Variants in KCNMA1 observed in about 807,000 individuals in gnomAD.
KCNMA1 encodes the protein potassium calcium-activated channel subfamily M alpha 1, also known as Calcium-activated potassium channel subunit alpha-1.
In KCNMA1, 29 loss-of-function variants were observed where a neutral mutation model predicts 140.0. The observed-to-expected ratio is 0.21, with a 90% confidence interval of 0.15 to 0.28. The LOEUF is 0.28. KCNMA1 is among the 10% of genes least tolerant of loss of function. The probability of loss-of-function intolerance (pLI) is 1.00; values close to 1 mark genes in which losing one functional copy is unlikely to be tolerated. For synonymous variants in KCNMA1, 612 were observed against 611.9 expected (o/e 1.00, Z 0.00); for missense variants, 880 against 1,602.2 (o/e 0.55, Z 7.70).
intron 5 of KCNMA1, among the ~76,000 whole-genome samples, chr10:77,173,796 T>A (rs1487258956): frequency 2.0e-5 from 3 of 152,164 alleles, no homozygotes; most frequent in Admixed American, 2.0e-4. Flanking sequence ...ATGGAGTGGG[T>A]GACCTCTGGG....
intron 2 of KCNMA1, among the ~76,000 whole-genome samples, chr10:77,348,690 G>A (rs2092508376): frequency 6.6e-6 from 1 of 152,182 alleles, no homozygotes; most frequent in Non-Finnish European, 1.5e-5. Context: ...TCTTTTAGCT[G>A]ATAAGTATGA....
At chr10:77,258,666 A>G (rs1290871671) in intron 2 of KCNMA1, among the ~76,000 whole-genome samples, 3 of 152,202 alleles carry the variant, frequency 2.0e-5, no homozygotes, top group African/African-American at 7.2e-5. Flanking sequence ...ATGGTTCTCA[A>G]TAGAAGAAGA....
At chr10:77,423,275 C>T (rs1007146088) in intron 1 of KCNMA1, among the ~76,000 whole-genome samples, 30 of 152,218 alleles carry the variant, frequency 2.0e-4, no homozygotes, top group African/African-American at 6.5e-4. Flanking sequence ...TTGGGCTCCA[C>T]ATGTCCTGTT....
At chr10:77,057,541 T>C (rs531203384) in intron 14 of KCNMA1, among the ~76,000 whole-genome samples, 2 of 152,094 alleles carry the variant, frequency 1.3e-5, no homozygotes, top group Admixed American at 1.3e-4. Context: ...AAAGCAAAAA[T>C]TATAACATTG....
intron 2 of KCNMA1, among the ~76,000 whole-genome samples, chr10:77,260,153 T>A (rs934320327): frequency 6.6e-6 from 1 of 151,732 alleles, no homozygotes; most frequent in Non-Finnish European, 1.5e-5. Context: ...ACCGCGGTGG[T>A]AGAGGTCGAG....
intron 1 of KCNMA1, among the ~76,000 whole-genome samples, chr10:77,471,239 T>C (rs2098142396): frequency 8.0e-6 from 1 of 125,544 alleles, no homozygotes; most frequent in Non-Finnish European, 1.7e-5. Context: ...ATAACACAAC[T>C]CACACTACAC....
chr10:76,922,623 G>A (rs1390733653), intron 23 of KCNMA1, among the ~76,000 whole-genome samples: 1 of 152,100 alleles, frequency 6.6e-6, no homozygotes, highest in Admixed American at 6.5e-5. Flanking sequence ...TGCAGGTGTG[G>A]GGCTACTGGC....
intron 23 of KCNMA1, among the ~76,000 whole-genome samples, chr10:76,935,972 A>G (rs2060451578): frequency 6.6e-6 from 1 of 152,220 alleles, no homozygotes; most frequent in Non-Finnish European, 1.5e-5. Context: ...GTCTCTTATT[A>G]TAGCTGCTGC....
chr10:77,174,009 C>G (rs1411987899), intron 5 of KCNMA1, among the ~76,000 whole-genome samples: 1 of 152,186 alleles, frequency 6.6e-6, no homozygotes, highest in South Asian at 2.1e-4. Context: ...CCCTTCCCCT[C>G]TCCCCTTGCT....
Position 76,970,391 on chromosome 10 carries a change from A to G in KCNMA1, c.2267-324T>C, listed in dbSNP as rs192249349. ...TATACCAAAAAAAATACTTATCATTATTCTTAGAGTTAATTTTGGTTACTT... is the reference window on the plus strand; with the variant it reads ...TATACCAAAAAAAATACTTATCATTGTTCTTAGAGTTAATTTTGGTTACTT... On this transcript the variant is annotated intron_variant, in intron 19 of 27. Transcript: ENST00000286628. The G allele has an allele frequency of 1.3e-3, 369 of 293,564 alleles. 3 individuals carry two copies. The highest frequency in any genetic ancestry group is 7.6e-3 in the African/African-American group (352 of 46,470). The allele number at this position is 293,564 out of a possible 1,614,324, so 18.2% of individuals were successfully genotyped here.
Position 76,891,502 on chromosome 10 carries a change from T to C in KCNMA1, c.3342+23A>G, listed in dbSNP as rs200856611. 3.2e-5 allele frequency: 51 copies of C among 1,600,398 alleles called. No homozygotes were observed. The East Asian group carries it at 1.0e-3, about 33-fold the overall frequency. ...GCTTTTCCCAAACAGCAAGCTCAGG[T>C]GACCTCGGTGCTGTGGACTCACCCC... On this transcript the variant is annotated intron_variant, in intron 26 of 27. Transcript: ENST00000286628.
intron 1 of KCNMA1, among the ~76,000 whole-genome samples, chr10:77,414,806 A>G (rs1672334518): frequency 6.6e-6 from 1 of 152,186 alleles, no homozygotes; most frequent in South Asian, 2.1e-4. Flanking sequence ...TAGGAATGTC[A>G]TGAGGCTCAG....
intron 19 of KCNMA1, among the ~76,000 whole-genome samples, chr10:76,971,430 A>T (rs2076059707): frequency 6.6e-6 from 1 of 152,152 alleles, no homozygotes; most frequent in African/African-American, 2.4e-5. Context: ...CATGCTTCCA[A>T]AGCTATTTTA....
chr10:77,224,318 A>C (rs1315428051), intron 3 of KCNMA1, among the ~76,000 whole-genome samples: 1 of 152,188 alleles, frequency 6.6e-6, no homozygotes, highest in Non-Finnish European at 1.5e-5. Flanking sequence ...TTCAGTCCCA[A>C]ATGAGTGACT....
At chr10:76,929,933 T>G (rs1282098217) in intron 23 of KCNMA1, 8 of 152,136 alleles carry the variant, frequency 5.3e-5, no homozygotes, top group Admixed American at 5.2e-4. Flanking sequence ...AATATTTACA[T>G]GCAAAAGAAT....
At chr10:77,193,857 A>G (rs1565131093) in intron 3 of KCNMA1, among the ~76,000 whole-genome samples, 1 of 152,176 alleles carries the variant, frequency 6.6e-6, no homozygotes, top group East Asian at 1.9e-4. Flanking sequence ...TGGGGAATGG[A>G]ACCTCTGACC....
intron 15 of KCNMA1, among the ~76,000 whole-genome samples, chr10:77,035,637 T>C (rs1013261305): frequency 6.6e-6 from 1 of 152,256 alleles, no homozygotes; most frequent in Non-Finnish European, 1.5e-5. Flanking sequence ...TCCCAATTCA[T>C]TAAATATCTG....
chr10:77,511,451 C>T (rs2048352157), intron 1 of KCNMA1, among the ~76,000 whole-genome samples: 1 of 152,190 alleles, frequency 6.6e-6, no homozygotes, highest in African/African-American at 2.4e-5. Context: ...ACTCTGGAGT[C>T]AGAAAAGAGC....
chr10:77,556,202 G>A (rs895314892), intron 1 of KCNMA1, among the ~76,000 whole-genome samples: 4 of 151,994 alleles, frequency 2.6e-5, no homozygotes, highest in African/African-American at 7.3e-5. Flanking sequence ...AAGTAATTGC[G>A]AGGAATTAAA....
Sources: gnomAD v4.1 joint callset for allele counts (sites outside exome capture counted in the v4.1 genomes callset) on GRCh38, gnomAD v4.1.1 for gene constraint, MANE v1.5 for transcripts, NCBI Gene and HGNC (gene_info 2026-07-23, HGNC 2026-07-21) for gene names.